MSL3B: variants seen among roughly 807,000 people sequenced by gnomAD.
MSL3B encodes the protein MSL complex subunit 3 pseudogene 1.
the MSL3B span, chr2:233,867,550 A>G: frequency 4.1e-6 from 1 of 243,922 alleles, no homozygotes; most frequent in Admixed American, 5.3e-5. Context: ...GTCTCAGCAC[A>G]CTGCAACCTC....
the MSL3B span, chr2:233,867,425 C>T: frequency 4.2e-6 from 2 of 476,952 alleles, no homozygotes; most frequent in Non-Finnish European, 7.6e-6. Context: ...CTCAGGTGAG[C>T]TACAGCATTT....
chr2:233,867,766 C>G, the MSL3B span, among the ~76,000 whole-genome samples: 1 of 150,852 alleles, frequency 6.6e-6, no homozygotes, highest in Non-Finnish European at 1.5e-5. Context: ...GAGTGAGCCA[C>G]CGCGCCCAGA....
At chr2:233,867,057 AG>A in the MSL3B span, 4 of 1,215,954 alleles carry the variant, frequency 3.3e-6, no homozygotes, top group South Asian at 3.6e-5. Context: ...TGCTTCACAT[AG>A]GATTCCAAAA....
At chr2:233,868,129 G>T in the MSL3B span, 1 of 359,804 alleles carries the variant, frequency 2.8e-6, no homozygotes, top group Non-Finnish European at 5.8e-6. Flanking sequence ...CATGATCTTC[G>T]GCTACCCATC....
At chr2:233,866,317 A>C in the MSL3B span, 3 of 800,692 alleles carry the variant, frequency 3.7e-6, no homozygotes, top group Non-Finnish European at 6.8e-6. Context: ...GAAGTTTGAC[A>C]AACAATCGCA....
At chr2:233,867,006 G>A in the MSL3B span, 13 of 1,289,244 alleles carry the variant, frequency 1.0e-5, no homozygotes, top group Non-Finnish European at 1.5e-5. Flanking sequence ...TGATGGTGAC[G>A]AGGCCTCTCA....
chr2:233,867,116 C>T, the MSL3B span: 6 of 891,404 alleles, frequency 6.7e-6, no homozygotes, highest in South Asian at 1.3e-5. Flanking sequence ...CCGTTTCCTC[C>T]GATTAATGTA....
At chr2:233,868,346 C>T in the MSL3B span, 1 of 169,554 alleles carries the variant, frequency 5.9e-6, no homozygotes, top group Admixed American at 6.1e-5. Context: ...AAGGCCTCCT[C>T]CGTCGGCGGC....
At chr2:233,866,179 A>G in the MSL3B span, 2 of 636,796 alleles carry the variant, frequency 3.1e-6, no homozygotes, top group East Asian at 7.8e-5. Flanking sequence ...CCTCAGAGGC[A>G]GCGACGTAAG....
chr2:233,866,668 C>T, the MSL3B span: 5,372 of 788,996 alleles, frequency 6.8e-3, 179 homozygotes, highest in African/African-American at 0.077. Flanking sequence ...GCACTGCTTG[C>T]GGCTCGGCTT....
the MSL3B span, chr2:233,866,690 G>C: frequency 1.3e-6 from 1 of 790,162 alleles, no homozygotes. Context: ...GCGCCTTTTA[G>C]GGGTGGCTGG....
the MSL3B span, chr2:233,866,358 G>A: frequency 1.2e-6 from 1 of 852,092 alleles, no homozygotes. Context: ...ATGTAAGAGG[G>A]TGGAGGTGGC....
the MSL3B span, chr2:233,866,854 A>G: frequency 8.0e-7 from 1 of 1,251,790 alleles, no homozygotes; most frequent in Non-Finnish European, 1.2e-6. Context: ...TTTTATACTG[A>G]GCTTGTTCAT....
At chr2:233,866,654 G>C in the MSL3B span, 1 of 789,816 alleles carries the variant, frequency 1.3e-6, no homozygotes, top group South Asian at 1.3e-5. Flanking sequence ...CCGCCTCAGA[G>C]ACTGCACTGC....
the MSL3B span, chr2:233,866,350 G>T: frequency 4.8e-6 from 4 of 837,292 alleles, no homozygotes; most frequent in South Asian, 2.6e-5. Context: ...CCCCGTAAAT[G>T]TAAGAGGGTG....
At chr2:233,866,370 G>A in the MSL3B span, 1 of 885,420 alleles carries the variant, frequency 1.1e-6, no homozygotes, top group South Asian at 1.3e-5. Flanking sequence ...GGAGGTGGCT[G>A]GTCACCTGGT....
the MSL3B span, chr2:233,867,952 AACC>A: frequency 6.1e-6 from 1 of 163,184 alleles, no homozygotes; most frequent in African/African-American, 2.4e-5. Context: ...CACCACGCCC[AACC>A]ACTTTTTGTA....
chr2:233,866,181 C>T, the MSL3B span: 4 of 637,918 alleles, frequency 6.3e-6, no homozygotes, highest in Non-Finnish European at 1.2e-5. Flanking sequence ...TCAGAGGCAG[C>T]GACGTAAGCT....
At chr2:233,865,264 C>A in the MSL3B span, among the ~76,000 whole-genome samples, 1 of 152,190 alleles carries the variant, frequency 6.6e-6, no homozygotes, top group Non-Finnish European at 1.5e-5. Context: ...TTGGGGCTGT[C>A]AGGTGCCACA....
Sources: allele counts gnomAD v4.1 joint callset (sites outside exome capture counted in the v4.1 genomes callset), GRCh38; gene constraint gnomAD v4.1.1; transcripts MANE v1.5; gene names NCBI Gene and HGNC (gene_info 2026-07-23, HGNC 2026-07-21).